Variants in LRRC37A2 observed in about 807,000 individuals in gnomAD.
The protein encoded by LRRC37A2 is leucine rich repeat containing 37 member A2, also known as leucine-rich repeat-containing protein 37A2.
In LRRC37A2, 9 loss-of-function variants were observed where a neutral mutation model predicts 68.8. The ratio of observed to expected loss-of-function variants is 0.13; its 90% CI spans 0.08 to 0.23. LRRC37A2 has a LOEUF of 0.23. Among genes scored for constraint, LRRC37A2 ranks in the 10% least tolerant of loss-of-function variants. The probability of loss-of-function intolerance (pLI) is 1.00; values close to 1 mark genes in which losing one functional copy is unlikely to be tolerated. For missense variants in LRRC37A2, 168 were observed against 950.4 expected, an observed-to-expected ratio of 0.18 and a Z score of 10.82; for synonymous variants, 63 against 367.6, an observed-to-expected ratio of 0.17 and a Z score of 9.48.
At chr17:46,568,839 A>G in the LRRC37A2 span, among the ~76,000 whole-genome samples, 6 of 121,090 alleles carry the variant, frequency 5.0e-5, no homozygotes, top group South Asian at 1.6e-3. Flanking sequence ...CTGTAGAATA[A>G]AAGACTAAAG....
chr17:46,848,415 AC>A, the LRRC37A2 span, among the ~76,000 whole-genome samples: 1 of 152,258 alleles, frequency 6.6e-6, no homozygotes, highest in African/African-American at 2.4e-5. Flanking sequence ...CTCTGGAGAC[AC>A]AGAGAGAAGT....
the LRRC37A2 span, among the ~76,000 whole-genome samples, chr17:46,460,245 CCAT>C: frequency 2.1e-5 from 2 of 97,388 alleles, no homozygotes; most frequent in Non-Finnish European, 4.6e-5. Context: ...AAGGGCTACA[CCAT>C]AGGAGCAAGG....
the LRRC37A2 span, among the ~76,000 whole-genome samples, chr17:46,951,200 C>G: frequency 1.3e-5 from 2 of 152,168 alleles, no homozygotes; most frequent in African/African-American, 4.8e-5. Flanking sequence ...AGGAGGCAGA[C>G]AGAGGTGGAC....
At chr17:46,808,961 G>A in the LRRC37A2 span, among the ~76,000 whole-genome samples, 1 of 152,186 alleles carries the variant, frequency 6.6e-6, no homozygotes, top group African/African-American at 2.4e-5. Context: ...CATGACCTGA[G>A]CCAAGTGGGG....
At chr17:46,533,541 G>A (rs1160972470) in intron 6 of LRRC37A2, among the ~76,000 whole-genome samples, 1 of 113,218 alleles carries the variant, frequency 8.8e-6, no homozygotes, top group South Asian at 2.6e-4. Flanking sequence ...TCACTCTGTT[G>A]CCCAGGCTAG....
At chr17:46,939,777 T>A in the LRRC37A2 span, 1 of 987,668 alleles carries the variant, frequency 1.0e-6, no homozygotes. Context: ...ACAACCTTTT[T>A]CCTTCTGTGA....
chr17:46,939,194 G>C, the LRRC37A2 span: 1 of 1,083,234 alleles, frequency 9.2e-7, no homozygotes, highest in Admixed American at 4.5e-5. Context: ...GGAAAGGAAA[G>C]AGGCCTTTTC....
At chr17:46,806,175 G>A in the LRRC37A2 span, among the ~76,000 whole-genome samples, 1 of 147,278 alleles carries the variant, frequency 6.8e-6, no homozygotes, top group African/African-American at 2.5e-5. Flanking sequence ...GTGATCCTCG[G>A]TTTTCTTTTT....
chr17:46,930,444 C>G, the LRRC37A2 span: 1 of 152,144 alleles, frequency 6.6e-6, no homozygotes, highest in African/African-American at 2.4e-5. Context: ...ACTGTCTTAT[C>G]GAAAGGGATA....
the LRRC37A2 span, among the ~76,000 whole-genome samples, chr17:46,413,481 TACACACAC>T: frequency 7.7e-4 from 19 of 24,764 alleles, 2 homozygotes; most frequent in Non-Finnish European, 1.9e-3. Flanking sequence ...TCTCTCTCTG[TACACACAC>T]ACACACACAC....
At chr17:46,771,812 G>GCGC in the LRRC37A2 span, among the ~76,000 whole-genome samples, 2 of 144,232 alleles carry the variant, frequency 1.4e-5, no homozygotes, top group African/African-American at 5.0e-5. Flanking sequence ...CGTGTGAATG[G>GCGC]CGCGGCGGCC....
At chr17:46,870,378 C>A in the LRRC37A2 span, among the ~76,000 whole-genome samples, 1 of 152,202 alleles carries the variant, frequency 6.6e-6, no homozygotes, top group African/African-American at 2.4e-5. Context: ...TGCCAAGGGT[C>A]AAACTCTGAG....
At chr17:46,835,318 T>C in the LRRC37A2 span, among the ~76,000 whole-genome samples, 1,012 of 151,312 alleles carry the variant, frequency 6.7e-3, 11 homozygotes, top group African/African-American at 0.023. Context: ...TTCACGCCAT[T>C]CTCCTGCCTC....
intron 9 of LRRC37A2, 84 bp from the exon 9 acceptor site, chr17:46,548,228 G>A: frequency 3.2e-6 from 1 of 316,820 alleles, no homozygotes; most frequent in Non-Finnish European, 5.1e-6. Flanking sequence ...CTCCTACTCT[G>A]TGTGACTGGG....
chr17:46,929,937 G>A, the LRRC37A2 span: 1 of 206,034 alleles, frequency 4.9e-6, no homozygotes, highest in East Asian at 1.1e-4. Context: ...TCTGAGCTGA[G>A]AACTGTGGCT....
At chr17:46,941,281 G>A in the LRRC37A2 span, 2 of 985,864 alleles carry the variant, frequency 2.0e-6, no homozygotes, top group Middle Eastern at 5.2e-4. Flanking sequence ...ATTTGAATGG[G>A]TTTGATTTGC....
At chr17:46,424,451 G>GA in the LRRC37A2 span, among the ~76,000 whole-genome samples, 2 of 110,062 alleles carry the variant, frequency 1.8e-5, no homozygotes, top group Non-Finnish European at 4.2e-5. Flanking sequence ...TAATCCATGG[G>GA]AAAAAAATTG....
chr17:46,828,065 A>T, the LRRC37A2 span, among the ~76,000 whole-genome samples: 70 of 151,932 alleles, frequency 4.6e-4, no homozygotes, highest in African/African-American at 1.6e-3. Flanking sequence ...CGACCTCATG[A>T]TCCGCCCACC....
the LRRC37A2 span, among the ~76,000 whole-genome samples, chr17:46,901,867 C>T: frequency 4.8e-5 from 7 of 146,714 alleles, no homozygotes; most frequent in South Asian, 6.4e-4. Context: ...AGCGCAATGG[C>T]GCAATCTCGG....
Sources: allele counts gnomAD v4.1 joint callset (sites outside exome capture counted in the v4.1 genomes callset), GRCh38; gene constraint gnomAD v4.1.1; transcripts MANE v1.5; gene names NCBI Gene and HGNC (gene_info 2026-07-23, HGNC 2026-07-21).